CLUL1: variants seen among roughly 807,000 people sequenced by gnomAD.
CLUL1 encodes clusterin like 1, also known as clusterin-like protein 1.
A neutral mutation model predicts 49.4 loss-of-function variants in CLUL1; 43 were observed. The ratio of observed to expected loss-of-function variants is 0.87; its 90% confidence interval spans 0.68 to 1.12. CLUL1 has a LOEUF of 1.12. CLUL1 is among the 50% of genes most tolerant of loss of function. The pLI is 0.00. For synonymous variants in CLUL1, 192 were observed against 184.9 expected (o/e 1.04, Z -0.31); for missense variants, 486 against 544.4 (o/e 0.89, Z 1.07).
In CLUL1 at chr18:645,810, A is replaced by AAAAAAT. The variant is rs1451607900; in HGVS notation, c.1397+714_1397+715insAAAATA. 4.1e-3 allele frequency among the ~76,000 whole-genome samples: 121 copies of AAAAAAT among 29,842 alleles called. 2 individuals are homozygous for AAAAAAT. Among genetic ancestry groups the AAAAAAT allele is most frequent in the Admixed American group, 7.2e-3 (14 of 1,948 alleles). The allele number at this position is 29,842 out of a possible 152,430, so 19.6% of individuals were successfully genotyped here. A position where few individuals can be genotyped will look rare whatever the true frequency, so the allele number is the denominator to read the frequency against. On this transcript the variant is annotated intron_variant, in intron 9 of 9. Transcript: ENST00000692774. The stretch of plus-strand genomic sequence containing the variant: ...CTCTGTTTAAAAAAAAAAAAAAAAA[A>AAAAAAT]ATATATATATATATATATATATATA...
intron 2 of CLUL1, among the ~76,000 whole-genome samples, chr18:609,845 G>T (rs1368772229): frequency 1.4e-5 from 2 of 140,740 alleles, no homozygotes; most frequent in Non-Finnish European, 1.5e-5. Flanking sequence ...AAAAAAAAAG[G>T]TTAGATTTTG....
At position 619,375 on chromosome 18, in the gene CLUL1, AAAT is replaced by A. The variant is rs771320046; in HGVS notation, c.255+18_255+20del. On this transcript the variant is annotated intron_variant, in intron 4 of 9. Transcript: ENST00000692774. ...GAAGAAAAGCAGGTACAGTCATTGA[AAAT>A]AATGTCTGTTCTTACACAGATCTGG... 2.5e-6 allele frequency: 4 copies of A among 1,606,940 alleles called. No individual in the cohort carries two copies. In the East Asian group the frequency reaches 8.9e-5, roughly 36 times the overall value.
In CLUL1 at chr18:612,983, G is replaced by C. The variant is rs192037923; in HGVS notation, c.-13-5005G>C. The stretch of plus-strand genomic sequence containing the variant: ...TCAATAATTAAATTTGTGTAGTGCT[G>C]ATCTAAACAGATAAATTCTGGCTTC... On this transcript the variant is annotated intron_variant, in intron 2 of 9. Coordinates refer to ENST00000692774, the MANE Select transcript of CLUL1 (RefSeq NM_001393344.1). 2.6e-5 allele frequency: 7 copies of C among 269,712 alleles called. No homozygotes were observed. In the Admixed American group the frequency reaches 3.7e-4, roughly 14 times the overall value. 16.7% of individuals were successfully genotyped at this position (269,712 alleles called of 1,614,324 possible). A position where few individuals can be genotyped will look rare whatever the true frequency, so the allele number is the denominator to read the frequency against.
rs1007669015 is a variant in CLUL1 at position 639,233 on chromosome 18, T to C, written c.995-2094T>C. Among the ~76,000 whole-genome samples the C allele has an allele frequency of 1.9e-4, 28 of 150,086 alleles. 1 individual carries two copies. The highest frequency in any genetic ancestry group is 5.3e-4 in the Admixed American group (8 of 15,036). ...CGAGGTCAGGAGTTCGAGACCAGCCTGACCAACATGGTGAAACCCCATCTC... is the reference window on the plus strand; with the variant it reads ...CGAGGTCAGGAGTTCGAGACCAGCCCGACCAACATGGTGAAACCCCATCTC... On this transcript the variant is annotated intron_variant, in intron 7 of 9. Coordinates refer to ENST00000692774, the MANE Select transcript of CLUL1 (RefSeq NM_001393344.1).
intron 6 of CLUL1, among the ~76,000 whole-genome samples, chr18:630,109 T>G (rs2073947494): frequency 6.6e-6 from 1 of 152,118 alleles, no homozygotes; most frequent in African/African-American, 2.4e-5. Context: ...TGACTTTATT[T>G]TTATTTATTT....
chr18:598,692 C>T, intron 1 of CLUL1: 1 of 396,506 alleles, frequency 2.5e-6, no homozygotes, highest in Non-Finnish European at 4.4e-6. Context: ...TCCATGGGCT[C>T]ACCTTTAAAT....
rs570761292 is a variant in CLUL1, at chr18:615,616, T to C, written c.-13-2372T>C. Among the ~76,000 whole-genome samples the C allele has an allele frequency of 4.6e-5, 7 of 152,266 alleles. No homozygotes were observed. The East Asian group carries it at 1.4e-3, about 29-fold the overall frequency. ...TCTGCTCTGCTCTTCCTGAGAAAAA[T>C]ACCCAAAGTGCTGCCTCTTCCATTG... On this transcript the variant is annotated intron_variant, in intron 2 of 9. Transcript: ENST00000692774.
rs1165123824 is a variant in CLUL1 at position 649,923 on chromosome 18, T to C, written c.*22T>C. On this transcript the variant is annotated 3_prime_UTR_variant, in exon 10 of 10. Transcript: ENST00000692774. ...GTAAGAAGATCTAATGCATCCTATA[T>C]CCAGTAAGTAGAATTATCTCTTCAT... 7.4e-7 allele frequency: 1 copy of C among 1,358,560 alleles called. No homozygotes were observed. The highest frequency in any genetic ancestry group is 1.9e-5 in the Admixed American group (1 of 53,984). The allele number at this position is 1,358,560 out of a possible 1,614,324, so 84.2% of individuals were successfully genotyped here. A position where few individuals can be genotyped will look rare whatever the true frequency, so the allele number is the denominator to read the frequency against.
intron 2 of CLUL1, among the ~76,000 whole-genome samples, chr18:615,801 G>T (rs951927720): frequency 1.3e-4 from 20 of 152,188 alleles, no homozygotes; most frequent in African/African-American, 4.8e-4. Context: ...CTAAAAGAGG[G>T]AATTAGTGGG....
chr18:627,691 T>C, intron 6 of CLUL1, 162 bp downstream of exon 6: 2 of 577,984 alleles, frequency 3.5e-6, no homozygotes, highest in Non-Finnish European at 6.0e-6. Flanking sequence ...CTTTGAAGTC[T>C]GCTAAACACC....
intron 4 of CLUL1, among the ~76,000 whole-genome samples, chr18:623,644 CAAAAAA>C (rs59558949): frequency 7.0e-5 from 5 of 71,100 alleles, no homozygotes; most frequent in Non-Finnish European, 8.0e-5. Context: ...GACTCTGTCT[CAAAAAA>C]AAAAAAAAAA....
At position 597,145 on chromosome 18, in the gene CLUL1, G is replaced by C. The variant is rs943858357; in HGVS notation, c.-136+16G>C. 6.5e-6 allele frequency: 1 copy of C among 152,816 alleles called. No individual in the cohort carries two copies. Among genetic ancestry groups the C allele is most frequent in the African/African-American group, 2.4e-5 (1 of 41,460 alleles). The allele number at this position is 152,816 out of a possible 1,614,324, so 9.5% of individuals were successfully genotyped here. On this transcript the variant is annotated intron_variant, in intron 1 of 9. Transcript: ENST00000692774. ...GGAATGACAGGTGAGAACATCCTCC[G>C]GGCCCCAGATTTCTCTCCTCGCCGC...
intron 4 of CLUL1, among the ~76,000 whole-genome samples, chr18:622,086 C>T (rs2073505137): frequency 2.6e-5 from 4 of 151,974 alleles, no homozygotes; most frequent in Non-Finnish European, 5.9e-5. Context: ...TTACTTAAAG[C>T]CTAGAATAAA....
chr18:599,045 T>C (rs766342335), intron 1 of CLUL1, among the ~76,000 whole-genome samples: 10 of 152,218 alleles, frequency 6.6e-5, no homozygotes, highest in South Asian at 2.1e-4. Context: ...AAGATACAAA[T>C]ACCTCTACAA....
intron 2 of CLUL1, among the ~76,000 whole-genome samples, chr18:612,459 T>G (rs2073163479): frequency 6.6e-6 from 1 of 152,212 alleles, no homozygotes; most frequent in African/African-American, 2.4e-5. Flanking sequence ...CGTGCACCCC[T>G]CGCTCAGAAG....
intron 6 of CLUL1, 47 bp from the exon 7 acceptor site, chr18:633,251 G>C: frequency 6.5e-7 from 1 of 1,531,572 alleles, no homozygotes; most frequent in Admixed American, 2.1e-5. Context: ...CTTCTTCAAA[G>C]TGCAAACTCT....
chr18:630,212 G>A (rs1490602958), intron 6 of CLUL1, among the ~76,000 whole-genome samples: 2 of 152,120 alleles, frequency 1.3e-5, no homozygotes, highest in Admixed American at 1.3e-4. Context: ...GGGTTTAAGT[G>A]ATTCTCCTGC....
chr18:605,716 A>T (rs565679288), intron 1 of CLUL1, among the ~76,000 whole-genome samples: 1 of 152,052 alleles, frequency 6.6e-6, no homozygotes, highest in East Asian at 1.9e-4. Context: ...TTGCGCTGTC[A>T]CCCAGGCTGG....
At chr18:645,803 AAAAAAAAAT>A (rs1436169361) in intron 9 of CLUL1, among the ~76,000 whole-genome samples, 2 of 50,870 alleles carry the variant, frequency 3.9e-5, no homozygotes, top group African/African-American at 1.6e-4. Flanking sequence ...AAAAAAAAAA[AAAAAAAAAT>A]ATATATATAT....
Sources: gnomAD v4.1 joint callset for allele counts (sites outside exome capture counted in the v4.1 genomes callset) on GRCh38, gnomAD v4.1.1 for gene constraint, MANE v1.5 for transcripts, NCBI Gene and HGNC (gene_info 2026-07-23, HGNC 2026-07-21) for gene names.